WDR7: variants seen among roughly 807,000 people sequenced by gnomAD.
WDR7 encodes WD repeat-containing protein 7.
Under a neutral mutation model 169.4 loss-of-function variants are expected in WDR7, and 46 were observed. The ratio of observed to expected loss-of-function variants is 0.27; its 90% confidence interval spans 0.21 to 0.35. The LOEUF (loss-of-function observed/expected upper bound fraction) is 0.35. Among genes scored for constraint, WDR7 ranks in the 10% least tolerant of loss-of-function variants. The pLI is 1.00. For synonymous variants in WDR7, 612 were observed against 666.8 expected (o/e 0.92, Z 1.27); for missense variants, 1,534 against 1,859.3 (o/e 0.83, Z 3.22).
chr18:56,685,163 A>T (rs888605378), intron 5 of WDR7, among the ~76,000 whole-genome samples: 3 of 152,238 alleles, frequency 2.0e-5, no homozygotes, highest in Non-Finnish European at 4.4e-5. Flanking sequence ...TTTTTAAATA[A>T]CAGTAATAAC....
At chr18:56,832,993 G>A (rs2045339302) in intron 20 of WDR7, among the ~76,000 whole-genome samples, 2 of 152,034 alleles carry the variant, frequency 1.3e-5, no homozygotes, top group South Asian at 2.1e-4. Flanking sequence ...TGAGTTTGAC[G>A]AAGAGACAGA....
intron 16 of WDR7, among the ~76,000 whole-genome samples, chr18:56,767,995 T>C (rs1362254399): frequency 6.6e-6 from 1 of 152,238 alleles, no homozygotes; most frequent in Non-Finnish European, 1.5e-5. Flanking sequence ...ATCCTCCTCA[T>C]CATCTTCATT....
At chr18:56,708,094 C>T (rs1205030621) in intron 12 of WDR7, among the ~76,000 whole-genome samples, 2 of 146,280 alleles carry the variant, frequency 1.4e-5, no homozygotes, top group Non-Finnish European at 3.0e-5. Flanking sequence ...AATACAGTGG[C>T]GCTATCTCTT....
At chr18:56,895,596 C>T (rs2046322181) in intron 21 of WDR7, among the ~76,000 whole-genome samples, 2 of 151,448 alleles carry the variant, frequency 1.3e-5, no homozygotes, top group Admixed American at 6.6e-5. Flanking sequence ...AATGAAATTG[C>T]ATAGCTAAGA....
At chr18:56,937,984 G>A (rs932925376) in intron 23 of WDR7, among the ~76,000 whole-genome samples, 1 of 152,170 alleles carries the variant, frequency 6.6e-6, no homozygotes, top group Non-Finnish European at 1.5e-5. Context: ...GAAAATCTAT[G>A]TCCTATTCAT....
intron 26 of WDR7, among the ~76,000 whole-genome samples, chr18:56,985,807 C>T (rs2047708011): frequency 6.6e-6 from 1 of 151,930 alleles, no homozygotes; most frequent in African/African-American, 2.4e-5. Flanking sequence ...TCAAAAGGAG[C>T]TCAGAGATCC....
chr18:56,815,709 T>C (rs1487855143), intron 19 of WDR7, among the ~76,000 whole-genome samples: 1 of 152,204 alleles, frequency 6.6e-6, no homozygotes, highest in Admixed American at 6.5e-5. Context: ...TGAATAATTG[T>C]CAAAATCAGC....
At chr18:56,679,278 A>G in intron 2 of WDR7, 54 bp from the exon 3 acceptor site, 1 of 1,459,108 alleles carries the variant, frequency 6.9e-7, no homozygotes, top group East Asian at 2.3e-5. Context: ...ACACTCAAAT[A>G]GAAGGTTAAT....
intron 1 of WDR7, among the ~76,000 whole-genome samples, chr18:56,666,433 C>T (rs577319991): frequency 1.1e-4 from 17 of 152,068 alleles, no homozygotes; most frequent in African/African-American, 3.9e-4. Context: ...AACTCCCAAC[C>T]TCAGGTGATC....
intron 20 of WDR7, among the ~76,000 whole-genome samples, chr18:56,826,570 T>C (rs1349769174): frequency 6.6e-6 from 1 of 152,218 alleles, no homozygotes; most frequent in African/African-American, 2.4e-5. Context: ...TATTTAATAT[T>C]TGAAGTGAAG....
At chr18:56,786,404 C>T (rs1295164797) in intron 19 of WDR7, among the ~76,000 whole-genome samples, 2 of 152,014 alleles carry the variant, frequency 1.3e-5, no homozygotes, top group African/African-American at 4.8e-5. Flanking sequence ...CTGCGTGCAC[C>T]TGTAGTCCCA....
intron 1 of WDR7, among the ~76,000 whole-genome samples, chr18:56,662,399 G>T (rs1447275399): frequency 6.6e-6 from 1 of 152,220 alleles, no homozygotes; most frequent in Admixed American, 6.5e-5. Flanking sequence ...TATTACATGG[G>T]ATAGTGTGAA....
Position 56,756,663 on chromosome 18 carries a change from G to T in WDR7, c.2070G>T (p.Val690=). The change falls in exon 15 of 28, where the codon GTG becomes GTT. Residue 690 remains valine (V), a synonymous_variant. Coordinates refer to ENST00000254442, the MANE Select transcript of WDR7 (RefSeq NM_015285.3). ...ACCTAACAGACCCGGACATACATGT[G>T]CTATTCTTTGATGTGGAAGCGTTGA... ...KTNLTDPDIH[V]LFFDVEALII... is the part of the protein sequence containing the mutation. The T allele has an allele frequency of 6.2e-7, 1 of 1,614,094 alleles. No individual in the cohort carries two copies. The highest frequency in any genetic ancestry group is 8.5e-7 in the Non-Finnish European group (1 of 1,180,006).
chr18:56,969,285 A>G (rs2047451744), intron 26 of WDR7, among the ~76,000 whole-genome samples: 1 of 152,184 alleles, frequency 6.6e-6, no homozygotes, highest in Admixed American at 6.5e-5. Context: ...CTTTAATGGT[A>G]TACCTGAAAT....
intron 1 of WDR7, among the ~76,000 whole-genome samples, chr18:56,653,776 C>G (rs956786192): frequency 3.9e-5 from 6 of 152,174 alleles, no homozygotes; most frequent in African/African-American, 1.4e-4. Flanking sequence ...TATCTGTCTG[C>G]TCTCCTATTT....
At chr18:57,023,729 T>C (rs2048321501) in intron 27 of WDR7, among the ~76,000 whole-genome samples, 1 of 152,240 alleles carries the variant, frequency 6.6e-6, no homozygotes, top group Non-Finnish European at 1.5e-5. Flanking sequence ...TCTGTATCCA[T>C]TGGCATTTGA....
chr18:56,998,387 C>G (rs2047929124), intron 26 of WDR7, among the ~76,000 whole-genome samples: 1 of 152,142 alleles, frequency 6.6e-6, no homozygotes, highest in Admixed American at 6.6e-5. Flanking sequence ...TTTATGGGTT[C>G]TATTTGATAA....
At chr18:57,011,261 A>G (rs1416442451) in intron 26 of WDR7, among the ~76,000 whole-genome samples, 1 of 152,262 alleles carries the variant, frequency 6.6e-6, no homozygotes. Context: ...GTCAATATGT[A>G]GGTAGTGAAA....
At chr18:56,694,819 A>G in intron 10 of WDR7, 59 bp downstream of exon 10, 1 of 1,545,884 alleles carries the variant, frequency 6.5e-7, no homozygotes, top group Non-Finnish European at 8.8e-7. Context: ...AATACCAACT[A>G]CTGAATAACA....
Sources: allele counts gnomAD v4.1 joint callset (sites outside exome capture counted in the v4.1 genomes callset), GRCh38; gene constraint gnomAD v4.1.1; transcripts MANE v1.5; gene names NCBI Gene and HGNC (gene_info 2026-07-23, HGNC 2026-07-21).